The following TET2 variants were observed in gnomAD, a reference collection of about 807,000 sequenced individuals.
TET2 encodes tet methylcytosine dioxygenase 2.
In TET2, 299 loss-of-function variants were observed where a neutral mutation model predicts 142.9. The ratio of observed to expected loss-of-function variants is 2.09; its 90% confidence interval spans 1.90 to 2.30. The LOEUF (loss-of-function observed/expected upper bound fraction) is 2.30, where lower values mean the gene tolerates loss of function less well. Among genes scored for constraint, TET2 ranks in the 30% most tolerant of loss-of-function variants. The probability of loss-of-function intolerance (pLI) is 0.00; values close to 1 mark genes in which losing one functional copy is unlikely to be tolerated. For missense variants in TET2, 2,418 were observed against 2,378.0 expected (o/e 1.02, Z -0.35); for synonymous variants, 819 against 849.0 (o/e 0.96, Z 0.61).
intron 2 of TET2, among the ~76,000 whole-genome samples, chr4:105,233,060 G>T (rs1372488659): frequency 1.3e-5 from 2 of 152,064 alleles, no homozygotes; most frequent in Non-Finnish European, 2.9e-5. Context: ...GGGAAGGGCA[G>T]ACGGGGCTAG....
intron 2 of TET2, among the ~76,000 whole-genome samples, chr4:105,208,508 G>T (rs1218011537): frequency 6.6e-6 from 1 of 152,088 alleles, no homozygotes; most frequent in Non-Finnish European, 1.5e-5. Context: ...TTGCCTTTAA[G>T]TATAAGGGAT....
intron 6 of TET2, among the ~76,000 whole-genome samples, chr4:105,245,657 T>G (rs1483289999): frequency 2.6e-5 from 4 of 152,000 alleles, no homozygotes; most frequent in African/African-American, 9.7e-5. Context: ...CTACCCTGAC[T>G]CCTCTTGCTC....
chr4:105,170,240 T>C (rs932108556), intron 1 of TET2, among the ~76,000 whole-genome samples: 4 of 152,240 alleles, frequency 2.6e-5, no homozygotes, highest in Non-Finnish European at 5.9e-5. Flanking sequence ...ATGAGGAACA[T>C]TGTTTGGGTC....
chr4:105,230,722 A>C (rs1025981767), intron 2 of TET2, among the ~76,000 whole-genome samples: 3 of 152,204 alleles, frequency 2.0e-5, no homozygotes, highest in Non-Finnish European at 2.9e-5. Flanking sequence ...GAAAAGTTTT[A>C]TACAACTTTT....
rs952235436 is a variant in TET2 at position 105,235,488 on chromosome 4, C to T, written c.1546C>T (p.Pro516Ser). 6.2e-7 allele frequency: 1 copy of T among 1,613,988 alleles called. No individual in the cohort carries two copies. The highest frequency in any genetic ancestry group is 8.5e-7 in the Non-Finnish European group (1 of 1,180,020). Residue 516 changes from proline to serine, a missense_variant, in exon 3 of 11, where the codon CCA becomes TCA. Pro to Ser is a moderately conservative substitution (Grantham distance 74, BLOSUM62 -1). Transcript: ENST00000380013. ...AATGTCAGAACACCTCAAGCATAAC[C>T]CACCAATTTTTGGTAGCAGTGGAGA... ...RPMSEHLKHN[P>S]PIFGSSGELQ...
At chr4:105,165,567 A>G (rs1295490180) in intron 1 of TET2, among the ~76,000 whole-genome samples, 1 of 152,214 alleles carries the variant, frequency 6.6e-6, no homozygotes, top group Non-Finnish European at 1.5e-5. Context: ...TTGAAATTGA[A>G]GTTTCTTTGA....
intron 2 of TET2, among the ~76,000 whole-genome samples, chr4:105,228,021 G>A (rs1323447218): frequency 1.3e-5 from 2 of 152,070 alleles, no homozygotes; most frequent in African/African-American, 4.8e-5. Context: ...TGAGCAAAAT[G>A]CATAGGTCTC....
intron 10 of TET2, 70 bp from the exon 11 acceptor site, chr4:105,274,978 C>T (rs2110310676): frequency 6.9e-7 from 1 of 1,456,982 alleles, no homozygotes; most frequent in Non-Finnish European, 9.1e-7. Flanking sequence ...TAAGTATCCT[C>T]ACTAGCCTTC....
Position 105,217,250 on chromosome 4 carries a change from G to A in TET2, c.-46-16647G>A, listed in dbSNP as rs528316336. Among the ~76,000 whole-genome samples the A allele has an allele frequency of 5.3e-5, 8 of 152,150 alleles. No individual in the cohort carries two copies. In the East Asian group the frequency reaches 5.8e-4, roughly 11 times the overall value. ...TTTGGGCAAAGTACAGGTGAAGAGC[G>A]TGAATCATTAGAACAGCAATATAAC... is the stretch of plus-strand genomic sequence containing the variant. On this transcript the variant is annotated intron_variant, in intron 2 of 10. Transcript: ENST00000380013.
intron 3 of TET2, chr4:105,240,671 T>G: frequency 9.3e-7 from 1 of 1,080,240 alleles, no homozygotes; most frequent in Non-Finnish European, 1.1e-6. Flanking sequence ...GTTGTAATCG[T>G]CTTCACTCTT....
At chr4:105,273,530 G>A (rs1030333822) in intron 10 of TET2, among the ~76,000 whole-genome samples, 1 of 152,128 alleles carries the variant, frequency 6.6e-6, no homozygotes, top group African/African-American at 2.4e-5. Context: ...ATAGCAAAAT[G>A]ATGCAAATGA....
In TET2 at chr4:105,261,790, T is replaced by A. The variant is rs1306305762; in HGVS notation, c.3986T>A (p.Leu1329Gln). The A allele has an allele frequency of 6.5e-7, 1 of 1,549,564 alleles. No homozygotes were observed. Among genetic ancestry groups the A allele is most frequent in the African/African-American group, 1.4e-5 (1 of 72,962 alleles). The stretch of plus-strand genomic sequence containing the variant: ...AAACTGGAGTCTCATTTGCAAAACC[T>A]GTCCACTCTTATGGCACCAACATAT... ...EEKLESHLQNLSTLMAPTYKK... is the reference protein window; with the variant it reads ...EEKLESHLQNQSTLMAPTYKK... The change falls in exon 8 of 11, where the codon CTG becomes CAG. Residue 1329 changes from leucine (L) to glutamine (Q), a missense_variant. Coordinates refer to ENST00000380013, the MANE Select transcript of TET2 (RefSeq NM_001127208.3).
intron 1 of TET2, among the ~76,000 whole-genome samples, chr4:105,159,029 G>T (rs574968070): frequency 3.5e-4 from 54 of 152,148 alleles, no homozygotes; most frequent in African/African-American, 1.2e-3. Context: ...TAGGATTCCA[G>T]AGACTCTTAT....
At chr4:105,209,713 A>T (rs1031355814) in intron 2 of TET2, among the ~76,000 whole-genome samples, 8 of 152,170 alleles carry the variant, frequency 5.3e-5, no homozygotes, top group African/African-American at 1.2e-4. Context: ...GAAAATTAAG[A>T]AATGTTGTAG....
chr4:105,266,673 T>G (rs952322945), intron 8 of TET2, among the ~76,000 whole-genome samples: 8 of 151,956 alleles, frequency 5.3e-5, no homozygotes, highest in African/African-American at 1.9e-4. Flanking sequence ...ATTAACAGAT[T>G]AAGGAACTTG....
At chr4:105,242,144 T>C in intron 4 of TET2, 1 of 1,151,584 alleles carries the variant, frequency 8.7e-7, no homozygotes. Flanking sequence ...TTGGGGCAGC[T>C]AGGACATATT....
At chr4:105,267,883 T>TAC (rs1431852960) in intron 8 of TET2, among the ~76,000 whole-genome samples, 3 of 151,960 alleles carry the variant, frequency 2.0e-5, no homozygotes, top group African/African-American at 7.2e-5. Flanking sequence ...TTGCAGTAGG[T>TAC]ACAGAAAAAC....
chr4:105,163,850 AGAGAGTGTGTGTGTGTGTGT>A (rs1724006467), intron 1 of TET2, among the ~76,000 whole-genome samples: 2 of 109,714 alleles, frequency 1.8e-5, no homozygotes, highest in South Asian at 5.5e-4. Context: ...AGAGAGAGAG[AGAGAGTGTGTGTGTGTGTGT>A]GTGTGTGTGT....
At chr4:105,163,091 G>C (rs1578542420) in intron 1 of TET2, among the ~76,000 whole-genome samples, 1 of 152,116 alleles carries the variant, frequency 6.6e-6, no homozygotes, top group Non-Finnish European at 1.5e-5. Flanking sequence ...CACAAATTAT[G>C]AACATTTTAA....
Sources: gnomAD v4.1 joint callset for allele counts (sites outside exome capture counted in the v4.1 genomes callset) on GRCh38, gnomAD v4.1.1 for gene constraint, MANE v1.5 for transcripts, NCBI Gene and HGNC (gene_info 2026-07-23, HGNC 2026-07-21) for gene names.